EPS8: variants seen among roughly 807,000 people sequenced by gnomAD.
EPS8 encodes the protein epidermal growth factor receptor kinase substrate 8.
Under a neutral mutation model 103.8 loss-of-function variants are expected in EPS8, and 42 were observed. That is an observed-to-expected ratio of 0.40 (90% CI 0.32 to 0.52). EPS8 has a LOEUF of 0.52. EPS8 is among the 20% of genes least tolerant of loss of function. The pLI is 0.40. For synonymous variants in EPS8, 344 were observed against 344.6 expected (o/e 1.00, Z 0.02); for missense variants, 969 against 1,005.1 (o/e 0.96, Z 0.49).
In EPS8 at chr12:15,658,534, T is replaced by A; in HGVS notation, c.989A>T (p.Asp330Val). 1 of 1,613,170 alleles carries A rather than the reference T, an allele frequency of 6.2e-7. No homozygotes were observed. Among genetic ancestry groups the A allele is most frequent in the South Asian group, 1.1e-5 (1 of 91,000 alleles). The change falls in exon 11 of 21, where the codon GAC (aspartate) becomes GTC (valine). Residue 330 changes from aspartate (D) to valine (V), a missense_variant. Coordinates refer to ENST00000281172, the MANE Select transcript of EPS8 (RefSeq NM_004447.6). ...AKPPPPDEFLDCFQKFKHGFN... is the reference protein window; with the variant it reads ...AKPPPPDEFLVCFQKFKHGFN... Reference sequence around the variant, plus strand: ...TCCGTGTTTAAACTTTTGGAAACAGTCAAGAAATTCATCAGGAGGTGGAGG... The same window carrying A: ...TCCGTGTTTAAACTTTTGGAAACAGACAAGAAATTCATCAGGAGGTGGAGG...
At chr12:15,666,569 T>C (rs1385313844) in intron 6 of EPS8, 47 bp from the exon 7 acceptor site, 1 of 1,348,914 alleles carries the variant, frequency 7.4e-7, no homozygotes, top group African/African-American at 1.4e-5. Flanking sequence ...TTTTTCTGAG[T>C]CTTGATATGT....
chr12:15,663,622 G>T (rs1945645745), intron 8 of EPS8, among the ~76,000 whole-genome samples: 1 of 151,864 alleles, frequency 6.6e-6, no homozygotes, highest in Non-Finnish European at 1.5e-5. Flanking sequence ...TTCTGTCTTT[G>T]TTATAAATTA....
In EPS8 at chr12:15,636,805, T is replaced by C. The variant is rs184546925; in HGVS notation, c.1821+3898A>G. Among the ~76,000 whole-genome samples the C allele has an allele frequency of 1.4e-3, 209 of 152,366 alleles. 1 individual carries two copies. The highest frequency in any genetic ancestry group is 4.8e-3 in the African/African-American group (200 of 41,592). On this transcript the variant is annotated intron_variant, in intron 17 of 20. Coordinates refer to ENST00000281172, the MANE Select transcript of EPS8 (RefSeq NM_004447.6). ...TCTAAGTAAATCATATAATTTGGGT[T>C]ATTTTCCTAAATTATAAAATAATGA...
intron 18 of EPS8, among the ~76,000 whole-genome samples, chr12:15,627,091 C>T (rs1235721001): frequency 6.6e-6 from 1 of 152,114 alleles, no homozygotes; most frequent in African/African-American, 2.4e-5. Context: ...CCTCCGCCTC[C>T]TGGGTTCAAG....
At chr12:15,640,444 T>C (rs1013849467) in intron 17 of EPS8, among the ~76,000 whole-genome samples, 1 of 152,078 alleles carries the variant, frequency 6.6e-6, no homozygotes, top group African/African-American at 2.4e-5. Context: ...ATACTACAGA[T>C]TGGGGAAAAA....
intron 1 of EPS8, among the ~76,000 whole-genome samples, chr12:15,746,612 T>A (rs978147128): frequency 1.3e-5 from 2 of 152,156 alleles, no homozygotes; most frequent in African/African-American, 2.4e-5. Context: ...TGGCAACACA[T>A]GAGATCGTAT....
chr12:15,692,274 T>G (rs926686550), intron 1 of EPS8, among the ~76,000 whole-genome samples: 13 of 152,008 alleles, frequency 8.6e-5, no homozygotes, highest in African/African-American at 3.1e-4. Flanking sequence ...TTACACATGA[T>G]GGACCGTTTG....
At chr12:15,687,102 T>A (rs1467768799) in intron 1 of EPS8, among the ~76,000 whole-genome samples, 1 of 152,120 alleles carries the variant, frequency 6.6e-6, no homozygotes, top group African/African-American at 2.4e-5. Flanking sequence ...TGTCTAACAA[T>A]GATTTTGTTT....
intron 1 of EPS8, among the ~76,000 whole-genome samples, chr12:15,707,100 G>A (rs1946397494): frequency 6.6e-6 from 1 of 152,172 alleles, no homozygotes; most frequent in Non-Finnish European, 1.5e-5. Flanking sequence ...AAAGGCACAT[G>A]TTTGAAAATG....
At chr12:15,681,568 C>T (rs540650692) in intron 2 of EPS8, among the ~76,000 whole-genome samples, 2 of 151,022 alleles carry the variant, frequency 1.3e-5, no homozygotes, top group South Asian at 2.1e-4. Flanking sequence ...CCATCTCTAC[C>T]GAAAATACAA....
chr12:15,703,295 T>C (rs527725778), intron 1 of EPS8, among the ~76,000 whole-genome samples: 2 of 152,352 alleles, frequency 1.3e-5, no homozygotes, highest in African/African-American at 4.8e-5. Flanking sequence ...TTCAGCAAGA[T>C]GGATAGATAT....
At chr12:15,668,041 G>A (rs1313933418) in intron 6 of EPS8, among the ~76,000 whole-genome samples, 1 of 151,576 alleles carries the variant, frequency 6.6e-6, no homozygotes, top group Admixed American at 6.6e-5. Flanking sequence ...TTAGGCCTCT[G>A]GTTTATAAAA....
chr12:15,754,303 C>T (rs902029708), intron 1 of EPS8, among the ~76,000 whole-genome samples: 4 of 151,356 alleles, frequency 2.6e-5, no homozygotes, highest in African/African-American at 9.7e-5. Context: ...CAAACCAAAA[C>T]TGTAAGCAGA....
At chr12:15,742,132 G>A (rs2136007468) in intron 1 of EPS8, among the ~76,000 whole-genome samples, 1 of 152,314 alleles carries the variant, frequency 6.6e-6, no homozygotes, top group Admixed American at 6.5e-5. Context: ...ATTTGGGTTG[G>A]TTCCAACTCT....
intron 8 of EPS8, chr12:15,662,720 TG>T (rs35814337): frequency 0.93 from 867,428 of 930,378 alleles, 414,765 homozygotes; most frequent in Non-Finnish European, 0.97. Context: ...TACAGCATGA[TG>T]TTAATCATGA....
rs546038995 is a variant in EPS8 at position 15,773,779 on chromosome 12, G to C, written c.-22+15382C>G. Reference sequence around the variant, plus strand: ...AGGAAGAAGAAAGAAGTTCCTATCTGTGTCTAGTAAACAGAGTGACAAGGT... The same window carrying C: ...AGGAAGAAGAAAGAAGTTCCTATCTCTGTCTAGTAAACAGAGTGACAAGGT... On this transcript the variant is annotated intron_variant, in intron 1 of 20. Transcript: ENST00000281172. Among the ~76,000 whole-genome samples, 16 of 152,250 alleles carry C rather than the reference G, an allele frequency of 1.1e-4. 1 individual carries two copies. Among genetic ancestry groups the C allele is most frequent in the African/African-American group, 3.6e-4 (15 of 41,570 alleles).
At chr12:15,763,202 A>C (rs1353641857) in intron 1 of EPS8, among the ~76,000 whole-genome samples, 1 of 152,152 alleles carries the variant, frequency 6.6e-6, no homozygotes, top group African/African-American at 2.4e-5. Flanking sequence ...CCTAAGACAG[A>C]CTATAATCAT....
rs35187241 is a variant in EPS8 at position 15,705,484 on chromosome 12, T to TA, written c.-21-22513dup. On this transcript the variant is annotated intron_variant, in intron 1 of 20. Coordinates refer to ENST00000281172, the MANE Select transcript of EPS8 (RefSeq NM_004447.6). ...ACACCCACTAGTACTCCAAGGGGTT[T>TA]AAAAAAAATCTGTTCAATAAGGTGA... Among the ~76,000 whole-genome samples the TA allele has an allele frequency of 7.6e-4, 115 of 152,132 alleles. 1 individual carries two copies. Among genetic ancestry groups the TA allele is most frequent in the African/African-American group, 2.6e-3 (109 of 41,488 alleles).
At chr12:15,786,480 C>T (rs1947312023) in intron 1 of EPS8, among the ~76,000 whole-genome samples, 1 of 151,894 alleles carries the variant, frequency 6.6e-6, no homozygotes, top group African/African-American at 2.4e-5. Context: ...AGAAAAAGGA[C>T]ATTAAAAACT....
Sources: allele counts gnomAD v4.1 joint callset (sites outside exome capture counted in the v4.1 genomes callset), GRCh38; gene constraint gnomAD v4.1.1; transcripts MANE v1.5; gene names NCBI Gene and HGNC (gene_info 2026-07-23, HGNC 2026-07-21).